Variants in PRUNE2 observed in about 807,000 individuals in gnomAD.
The protein encoded by PRUNE2 is protein prune homolog 2.
In PRUNE2, 164 loss-of-function variants were observed where a neutral mutation model predicts 252.0. The observed-to-expected ratio is 0.65, with a 90% CI of 0.57 to 0.74. The LOEUF is 0.74. PRUNE2 is among the 30% of genes least tolerant of loss of function. The pLI, the probability that PRUNE2 is intolerant of heterozygous loss-of-function variation, is 0.00. For synonymous variants in PRUNE2, 1,292 were observed against 1,350.2 expected (o/e 0.96, Z 0.94); for missense variants, 3,495 against 3,711.0 (o/e 0.94, Z 1.51).
chr9:76,656,470 T>G (rs1351738370), intron 9 of PRUNE2, among the ~76,000 whole-genome samples: 1 of 152,194 alleles, frequency 6.6e-6, no homozygotes, highest in African/African-American at 2.4e-5. Context: ...CTTACTGTAC[T>G]TTGCACTATG....
chr9:76,743,653 T>A (rs1357231288), intron 6 of PRUNE2, among the ~76,000 whole-genome samples: 1 of 152,242 alleles, frequency 6.6e-6, no homozygotes, highest in Non-Finnish European at 1.5e-5. Context: ...TTGATCTTAT[T>A]TGACATACTG....
At chr9:76,744,907 G>T (rs531270549) in intron 6 of PRUNE2, among the ~76,000 whole-genome samples, 1 of 152,214 alleles carries the variant, frequency 6.6e-6, no homozygotes, top group South Asian at 2.1e-4. Flanking sequence ...TCTTTATTTG[G>T]CTTATTAAAG....
intron 6 of PRUNE2, among the ~76,000 whole-genome samples, chr9:76,818,971 C>T (rs1050357437): frequency 6.6e-6 from 1 of 152,148 alleles, no homozygotes; most frequent in African/African-American, 2.4e-5. Flanking sequence ...TAAGATGAGG[C>T]CAGGCGCCAT....
intron 6 of PRUNE2, among the ~76,000 whole-genome samples, chr9:76,780,988 T>C (rs1012911193): frequency 6.6e-6 from 1 of 152,220 alleles, no homozygotes; most frequent in South Asian, 2.1e-4. Flanking sequence ...GAATAATCCA[T>C]GACATTTTTT....
At chr9:76,615,760 G>T (rs1410016412) in intron 18 of PRUNE2, among the ~76,000 whole-genome samples, 1 of 122,422 alleles carries the variant, frequency 8.2e-6, no homozygotes, top group Admixed American at 1.0e-4. Flanking sequence ...TTGTTGTTTT[G>T]TGTGTGTGGT....
intron 12 of PRUNE2, among the ~76,000 whole-genome samples, chr9:76,639,402 A>T (rs867304225): frequency 3.3e-5 from 5 of 152,268 alleles, no homozygotes; most frequent in South Asian, 4.1e-4. Flanking sequence ...GAGGCAGGAG[A>T]ATTGCTTAAG....
intron 9 of PRUNE2, among the ~76,000 whole-genome samples, chr9:76,671,113 G>A (rs559458192): frequency 6.6e-6 from 1 of 152,042 alleles, no homozygotes; most frequent in South Asian, 2.1e-4. Flanking sequence ...CTGAGCTACA[G>A]GAGGACATCC....
At chr9:76,833,890 T>G (rs975911512) in intron 4 of PRUNE2, among the ~76,000 whole-genome samples, 7 of 150,614 alleles carry the variant, frequency 4.6e-5, no homozygotes, top group Admixed American at 2.0e-4. Context: ...TTTTTTGTTT[T>G]TTTTTTTTTA....
intron 6 of PRUNE2, among the ~76,000 whole-genome samples, chr9:76,794,515 TGAGGCA>T (rs1407794144): frequency 1.4e-5 from 2 of 147,110 alleles, no homozygotes; most frequent in African/African-American, 2.5e-5. Flanking sequence ...CTCGGGAGGC[TGAGGCA>T]AGAGAATCGC....
intron 6 of PRUNE2, among the ~76,000 whole-genome samples, chr9:76,767,803 G>T (rs1243353680): frequency 6.6e-6 from 1 of 152,156 alleles, no homozygotes; most frequent in Non-Finnish European, 1.5e-5. Flanking sequence ...GTGCACACTG[G>T]CTCCTATCTT....
chr9:76,677,324 G>C (rs571578066), intron 9 of PRUNE2, among the ~76,000 whole-genome samples: 9 of 152,172 alleles, frequency 5.9e-5, no homozygotes, highest in Non-Finnish European at 1.2e-4. Context: ...TGTCCTTAAA[G>C]AAAAAAGAAA....
In PRUNE2 at chr9:76,642,324, A is replaced by G. The variant is rs1176657045; in HGVS notation, c.8728+2415T>C. Among the ~76,000 whole-genome samples, 5 of 152,238 alleles carry G rather than the reference A, an allele frequency of 3.3e-5. No individual in the cohort carries two copies. In the East Asian group the frequency reaches 9.6e-4, roughly 29 times the overall value. On this transcript the variant is annotated intron_variant, in intron 12 of 18. Transcript: ENST00000376718. ...CCAAGGTTACAGACTAGTAAGTGAC[A>G]GAGATGGGTTTTGAGCCCCATTCTT...
intron 9 of PRUNE2, chr9:76,691,959 C>G (rs980753180): frequency 3.0e-6 from 2 of 663,446 alleles, no homozygotes; most frequent in Admixed American, 2.3e-5. Context: ...ATCCCCCTCC[C>G]GTCTCCCCCG....
intron 6 of PRUNE2, among the ~76,000 whole-genome samples, chr9:76,804,562 C>A (rs1025690608): frequency 1.3e-5 from 2 of 152,160 alleles, no homozygotes; most frequent in Non-Finnish European, 2.9e-5. Flanking sequence ...TTCCATGTGC[C>A]CTCCAGAGCC....
intron 12 of PRUNE2, among the ~76,000 whole-genome samples, chr9:76,639,299 C>G (rs548436026): frequency 6.6e-6 from 1 of 152,058 alleles, no homozygotes; most frequent in Non-Finnish European, 1.5e-5. Flanking sequence ...CGAGACCACC[C>G]GGACAGCACG....
At chr9:76,769,844 G>T (rs143311882) in intron 6 of PRUNE2, among the ~76,000 whole-genome samples, 1 of 152,182 alleles carries the variant, frequency 6.6e-6, no homozygotes, top group East Asian at 1.9e-4. Context: ...TCAAAAAAGC[G>T]GTAGCAATTA....
chr9:76,753,499 G>T (rs886761359), intron 6 of PRUNE2, among the ~76,000 whole-genome samples: 1 of 152,148 alleles, frequency 6.6e-6, no homozygotes, highest in African/African-American at 2.4e-5. Flanking sequence ...TTGTGAAACA[G>T]ATGACCTGTG....
At position 76,613,185 on chromosome 9, in the gene PRUNE2, AT is replaced by A. The variant is rs1178394833; in HGVS notation, c.*1384del. 1.3e-5 allele frequency: 2 copies of A among 152,228 alleles called. 1 individual carries two copies. The highest frequency in any genetic ancestry group is 2.9e-5 in the Non-Finnish European group (2 of 68,032). The allele number at this position is 152,228 out of a possible 1,614,324, so 9.4% of individuals were successfully genotyped here. A position where few individuals can be genotyped will look rare whatever the true frequency, so the allele number is the denominator to read the frequency against. The stretch of plus-strand genomic sequence containing the variant: ...AAACATTGATTTTTGACAAAAATAA[AT>A]TAGTTTGCAGCCTCATTTGTCCGTT... On this transcript the variant is annotated 3_prime_UTR_variant, in exon 19 of 19. Transcript: ENST00000376718.
chr9:76,717,073 A>G (rs568579591), intron 6 of PRUNE2, among the ~76,000 whole-genome samples: 1 of 152,320 alleles, frequency 6.6e-6, no homozygotes, highest in Non-Finnish European at 1.5e-5. Context: ...GGTGACCCCA[A>G]ATTCCACAGG....
Sources: gnomAD v4.1 joint callset for allele counts (sites outside exome capture counted in the v4.1 genomes callset) on GRCh38, gnomAD v4.1.1 for gene constraint, MANE v1.5 for transcripts, NCBI Gene and HGNC (gene_info 2026-07-23, HGNC 2026-07-21) for gene names.